The following PIGG variants were observed in gnomAD, a reference collection of about 807,000 sequenced individuals.
PIGG encodes phosphatidylinositol glycan anchor biosynthesis class G (EMM blood group).
A neutral mutation model predicts 83.2 loss-of-function variants in PIGG; 70 were observed. That is an observed-to-expected ratio of 0.84 (90% CI 0.69 to 1.03). The LOEUF is 1.03. PIGG is among the 50% of genes least tolerant of loss of function. The pLI, the probability that PIGG is intolerant of heterozygous loss-of-function variation, is 0.00. For missense variants in PIGG, 1,257 were observed against 1,233.6 expected (o/e 1.02, Z -0.28); for synonymous variants, 532 against 519.5 (o/e 1.02, Z -0.33).
At position 539,913 on chromosome 4, in the gene PIGG, C is replaced by T. The variant is rs935190740; in HGVS notation, c.*544C>T. 1 of 152,340 alleles carries T rather than the reference C, an allele frequency of 6.6e-6. No homozygotes were observed. Among genetic ancestry groups the T allele is most frequent in the Non-Finnish European group, 1.5e-5 (1 of 68,204 alleles). 9.4% of individuals were successfully genotyped at this position (152,340 alleles called of 1,614,324 possible). On this transcript the variant is annotated 3_prime_UTR_variant, in exon 13 of 13. Coordinates refer to ENST00000453061, the MANE Select transcript of PIGG (RefSeq NM_001127178.3). ...CCAAAACAAAAAAATTCAGTGAGAC[C>T]CAGCACTTTGGGAGGCCAGAGTGGG...
At chr4:504,895 C>T (rs1372724457) in intron 2 of PIGG, among the ~76,000 whole-genome samples, 1 of 152,196 alleles carries the variant, frequency 6.6e-6, no homozygotes, top group Admixed American at 6.5e-5. Flanking sequence ...AGGGTGGGAG[C>T]AGAAGAGACT....
intron 6 of PIGG, among the ~76,000 whole-genome samples, chr4:518,554 C>G (rs1407332560): frequency 6.6e-6 from 1 of 152,206 alleles, no homozygotes; most frequent in Non-Finnish European, 1.5e-5. Context: ...GATGGCGACA[C>G]TGCACTCCAG....
chr4:508,085 G>T (rs1720481198), intron 4 of PIGG, among the ~76,000 whole-genome samples: 1 of 152,236 alleles, frequency 6.6e-6, no homozygotes, highest in African/African-American at 2.4e-5. Flanking sequence ...GGGTGCATCA[G>T]TGAAACAGTC....
At chr4:511,296 T>TAA (rs1191304904) in intron 5 of PIGG, among the ~76,000 whole-genome samples, 42 of 128,290 alleles carry the variant, frequency 3.3e-4, no homozygotes, top group South Asian at 1.0e-3. Flanking sequence ...TCCCCATCTT[T>TAA]AAAAAAAAAA....
rs919315032 is a variant in PIGG at position 528,045 on chromosome 4, C to T, written c.2261+815C>T. On this transcript the variant is annotated intron_variant, in intron 10 of 12. Coordinates refer to ENST00000453061, the MANE Select transcript of PIGG (RefSeq NM_001127178.3). The surrounding 1 kb of genome is among the most constrained non-coding windows in gnomAD (Gnocchi z 4.8). ...AATTATCCAGCAGCAATACAGTGAT[C>T]CTCCCAGTGAGGTCGGTGCTCTGAC... The T allele has an allele frequency of 3.3e-5, 33 of 985,284 alleles. No individual in the cohort carries two copies. Among genetic ancestry groups the T allele is most frequent in the Non-Finnish European group, 3.7e-5 (31 of 829,940 alleles). 61.0% of individuals were successfully genotyped at this position (985,284 alleles called of 1,614,324 possible).
intron 6 of PIGG, among the ~76,000 whole-genome samples, chr4:517,296 G>C (rs1241529800): frequency 6.6e-6 from 1 of 152,150 alleles, no homozygotes; most frequent in Non-Finnish European, 1.5e-5. Context: ...CCCAGGCAAG[G>C]GTGGTGAAGA....
intron 7 of PIGG, 79 bp downstream of exon 7, chr4:521,352 A>C: frequency 1.2e-6 from 1 of 866,724 alleles, no homozygotes. Flanking sequence ...TTTTAAATAT[A>C]TATATAGGTG....
intron 11 of PIGG, chr4:533,542 T>G: frequency 2.1e-6 from 1 of 481,452 alleles, no homozygotes; most frequent in Non-Finnish European, 3.8e-6. Flanking sequence ...TGTGCGTCCC[T>G]CTTCAGAGGG....
chr4:508,099 A>G (rs1395393051), intron 4 of PIGG, among the ~76,000 whole-genome samples: 1 of 152,222 alleles, frequency 6.6e-6, no homozygotes, highest in Non-Finnish European at 1.5e-5. Flanking sequence ...AACAGTCGAT[A>G]ATCCCTCGTG....
Position 521,158 on chromosome 4 carries a change from C to A in PIGG, c.1217C>A (p.Ser406Tyr). The A allele has an allele frequency of 6.2e-7, 1 of 1,614,090 alleles. No individual in the cohort carries two copies. The highest frequency in any genetic ancestry group is 8.5e-7 in the Non-Finnish European group (1 of 1,179,990). Residue 406 changes from serine (S) to tyrosine (Y), a missense_variant, in exon 7 of 13, where the codon TCC (serine) becomes TAC (tyrosine). Ser to Tyr is a moderately radical substitution (Grantham distance 144, BLOSUM62 -2). Coordinates refer to ENST00000453061, the MANE Select transcript of PIGG (RefSeq NM_001127178.3). The stretch of plus-strand genomic sequence containing the variant: ...TCAGAAGTCCTATTCAACCTGGGCT[C>A]CAAGGTTCTCAGGCAGTACCTGGAT... ...KHSEVLFNLGSKVLRQYLDAL... is the reference protein window; with the variant it reads ...KHSEVLFNLGYKVLRQYLDAL...
At chr4:520,612 C>A (rs1452219126) in intron 6 of PIGG, among the ~76,000 whole-genome samples, 1 of 152,222 alleles carries the variant, frequency 6.6e-6, no homozygotes, top group African/African-American at 2.4e-5. Flanking sequence ...CTGCCCAGTC[C>A]CCATACAGTG....
Position 508,835 on chromosome 4 carries a change from G to C in PIGG, c.766G>C (p.Glu256Gln), listed in dbSNP as rs868977191. 6.2e-7 allele frequency: 1 copy of C among 1,613,894 alleles called. No individual in the cohort carries two copies. Among genetic ancestry groups the C allele is most frequent in the African/African-American group, 1.3e-5 (1 of 74,916 alleles). The stretch of plus-strand genomic sequence containing the variant: ...TTTTTCCTTTGCCTTAAAGGAGAGA[G>C]AGACGCCTTTACCCAATTTGCTGGT... ...IHTSLQSKER[E>Q]TPLPNLLVLC... is the part of the protein sequence containing the mutation. The change falls in exon 5 of 13, where the codon GAG becomes CAG. Residue 256 changes from glutamate (E) to glutamine (Q), a missense_variant. Physicochemically the swap from Glu to Gln is conservative, Grantham distance 29 (BLOSUM62 2). Transcript: ENST00000453061.
intron 2 of PIGG, among the ~76,000 whole-genome samples, chr4:501,338 T>C (rs1717653082): frequency 6.6e-6 from 1 of 152,162 alleles, no homozygotes; most frequent in Admixed American, 6.5e-5. Flanking sequence ...AGTTGTAAAG[T>C]GTGGTTAATG....
chr4:523,399 G>A (rs1726599332), intron 8 of PIGG, 60 bp from the exon 9 acceptor site: 1 of 1,210,854 alleles, frequency 8.3e-7, no homozygotes. Flanking sequence ...GACTTGACAT[G>A]CAGCAAGATG....
At chr4:530,336 T>C (rs1728732624) in intron 10 of PIGG, 100 bp from the exon 11 acceptor site, 1 of 833,762 alleles carries the variant, frequency 1.2e-6, no homozygotes, top group Admixed American at 2.3e-5. Flanking sequence ...GCTGGACATT[T>C]ACTGGTTCCC....
chr4:499,252 C>A lies in PIGG; in HGVS notation c.-84C>A, dbSNP rs907025746. ...AAGGCCTGGCGTTATTGCTTAGAGGCGGCTACCTGGAGCCGGAAGCGCGGC... is the reference window on the plus strand; with the variant it reads ...AAGGCCTGGCGTTATTGCTTAGAGGAGGCTACCTGGAGCCGGAAGCGCGGC... On this transcript the variant is annotated 5_prime_UTR_variant, in exon 1 of 13. Coordinates refer to ENST00000453061, the MANE Select transcript of PIGG (RefSeq NM_001127178.3). The A allele has an allele frequency of 2.8e-4, 404 of 1,457,768 alleles. No individual in the cohort carries two copies. The highest frequency in any genetic ancestry group is 3.6e-4 in the Non-Finnish European group (385 of 1,071,312). 90.3% of individuals were successfully genotyped at this position (1,457,768 alleles called of 1,614,324 possible).
intron 5 of PIGG, among the ~76,000 whole-genome samples, chr4:513,176 G>A (rs782241616): frequency 6.6e-6 from 1 of 152,212 alleles, no homozygotes; most frequent in African/African-American, 2.4e-5. Context: ...CAGAGACTGT[G>A]AATGGTGGTA....
intron 9 of PIGG, chr4:525,690 G>T (rs1006161881): frequency 6.6e-6 from 1 of 152,258 alleles, no homozygotes; most frequent in South Asian, 2.1e-4. Context: ...AGTAATTCTT[G>T]TGGGAGGCTA....
chr4:521,525 G>C, intron 7 of PIGG, 135 bp from the exon 8 acceptor site: 2 of 860,604 alleles, frequency 2.3e-6, no homozygotes, highest in South Asian at 3.6e-5. Flanking sequence ...AGTTAATTAG[G>C]AATCATCTTT....
Sources: allele counts gnomAD v4.1 joint callset (sites outside exome capture counted in the v4.1 genomes callset), GRCh38; gene constraint gnomAD v4.1.1; non-coding constraint Gnocchi (gnomAD v3.1); transcripts MANE v1.5; gene names NCBI Gene and HGNC (gene_info 2026-07-23, HGNC 2026-07-21).